The following PDZRN4 variants were observed in gnomAD, a reference collection of about 807,000 sequenced individuals.
PDZRN4 encodes the protein PDZ domain containing ring finger 4.
Under a neutral mutation model 99.0 loss-of-function variants are expected in PDZRN4, and 70 were observed. The ratio of observed to expected loss-of-function variants is 0.71; its 90% CI spans 0.58 to 0.86. The LOEUF (loss-of-function observed/expected upper bound fraction) is 0.86, where lower values mean the gene tolerates loss of function less well. Ranked by LOEUF, PDZRN4 falls within the 40% of genes least tolerant of loss-of-function variation. The pLI is 0.00. For synonymous variants in PDZRN4, 551 were observed against 501.6 expected, an observed-to-expected ratio of 1.10 and a Z score of -1.32; for missense variants, 1,474 against 1,331.2, an observed-to-expected ratio of 1.11 and a Z score of -1.67.
chr12:41,332,084 G>A lies in PDZRN4; in HGVS notation c.843+137896G>A, dbSNP rs1182808779. On this transcript the variant is annotated intron_variant, in intron 3 of 9. Transcript: ENST00000402685. ...GCTTAATTGAGAAAGAGAATTTCTG[G>A]TTAGTATTGAGACCCCATTTGACAT... Among the ~76,000 whole-genome samples, 3 of 152,094 alleles carry A rather than the reference G, an allele frequency of 2.0e-5. No homozygotes were observed. The East Asian group carries it at 5.8e-4, about 29-fold the overall frequency.
chr12:41,256,031 A>G (rs1206829715), intron 3 of PDZRN4, among the ~76,000 whole-genome samples: 2 of 152,196 alleles, frequency 1.3e-5, no homozygotes, highest in African/African-American at 4.8e-5. Flanking sequence ...ACATTAAATC[A>G]TATCGGCTCT....
At chr12:41,565,515 G>A (rs926146859) in intron 8 of PDZRN4, among the ~76,000 whole-genome samples, 1 of 117,256 alleles carries the variant, frequency 8.5e-6, no homozygotes, top group African/African-American at 4.9e-5. Context: ...TCTCATTGTT[G>A]TATGTTTTTT....
intron 3 of PDZRN4, among the ~76,000 whole-genome samples, chr12:41,393,926 A>G (rs765067896): frequency 6.6e-6 from 1 of 152,234 alleles, no homozygotes; most frequent in African/African-American, 2.4e-5. Flanking sequence ...TGCAATGACA[A>G]TTATAGAGTA....
intron 3 of PDZRN4, among the ~76,000 whole-genome samples, chr12:41,404,113 A>G (rs943570917): frequency 2.0e-5 from 3 of 152,142 alleles, no homozygotes; most frequent in Admixed American, 1.3e-4. Flanking sequence ...AATGTAAATG[A>G]TATATACATA....
At chr12:41,284,772 TAATA>T (rs1031477063) in intron 3 of PDZRN4, among the ~76,000 whole-genome samples, 4 of 152,154 alleles carry the variant, frequency 2.6e-5, no homozygotes, top group Non-Finnish European at 2.9e-5. Context: ...ATTCCATGTT[TAATA>T]AATAGTGTTG....
chr12:41,509,570 A>T, intron 4 of PDZRN4: 1 of 288,354 alleles, frequency 3.5e-6, no homozygotes, highest in African/African-American at 2.2e-5. Flanking sequence ...TTTCCACAGA[A>T]TACAACTCTG....
At chr12:41,272,040 T>C (rs529079688) in intron 3 of PDZRN4, among the ~76,000 whole-genome samples, 125 of 144,368 alleles carry the variant, frequency 8.7e-4, no homozygotes, top group Non-Finnish European at 1.6e-3. Flanking sequence ...AAGCAATTCC[T>C]TTCTCTACCA....
intron 3 of PDZRN4, among the ~76,000 whole-genome samples, chr12:41,303,027 G>T (rs929031749): frequency 2.0e-5 from 3 of 151,826 alleles, no homozygotes; most frequent in Non-Finnish European, 2.9e-5. Context: ...AGCTACAAGT[G>T]TTTAGTCCAT....
intron 5 of PDZRN4, among the ~76,000 whole-genome samples, chr12:41,535,595 T>C (rs1270365044): frequency 1.3e-5 from 2 of 152,150 alleles, no homozygotes; most frequent in Non-Finnish European, 2.9e-5. Context: ...AAATTTAATC[T>C]CCCATACTGC....
chr12:41,248,156 T>C (rs575105248), intron 3 of PDZRN4, among the ~76,000 whole-genome samples: 1 of 152,328 alleles, frequency 6.6e-6, no homozygotes, highest in African/African-American at 2.4e-5. Context: ...ATTTGCCTAT[T>C]TGTTTTGATT....
intron 3 of PDZRN4, among the ~76,000 whole-genome samples, chr12:41,423,960 G>A (rs1565579244): frequency 6.6e-6 from 1 of 152,098 alleles, no homozygotes; most frequent in Non-Finnish European, 1.5e-5. Context: ...TCACGTTGTA[G>A]GGTTGGAATT....
intron 3 of PDZRN4, among the ~76,000 whole-genome samples, chr12:41,282,689 A>G (rs1340050256): frequency 2.0e-5 from 3 of 152,224 alleles, no homozygotes; most frequent in African/African-American, 7.2e-5. Flanking sequence ...ACCACGGTGA[A>G]ATCAAACTAG....
chr12:41,430,195 C>G (rs987936587), intron 3 of PDZRN4, among the ~76,000 whole-genome samples: 3 of 152,182 alleles, frequency 2.0e-5, no homozygotes, highest in Non-Finnish European at 4.4e-5. Flanking sequence ...ATAGGCCAGG[C>G]ACGGTGGCTC....
intron 5 of PDZRN4, among the ~76,000 whole-genome samples, chr12:41,517,260 T>C (rs539879310): frequency 6.6e-5 from 10 of 152,208 alleles, no homozygotes; most frequent in African/African-American, 2.4e-4. Flanking sequence ...TTACCAGGGA[T>C]CTAGATATAA....
intron 3 of PDZRN4, among the ~76,000 whole-genome samples, chr12:41,429,165 C>T (rs1204245057): frequency 1.8e-4 from 28 of 152,150 alleles, no homozygotes; most frequent in Non-Finnish European, 1.0e-4. Context: ...TTAGAGTCAT[C>T]GGTAAATCTC....
At chr12:41,359,939 T>C (rs891838225) in intron 3 of PDZRN4, among the ~76,000 whole-genome samples, 1 of 152,028 alleles carries the variant, frequency 6.6e-6, no homozygotes, top group Admixed American at 6.6e-5. Flanking sequence ...ATCTTGCTAT[T>C]CATAGTAATA....
chr12:41,284,209 C>A (rs368332790), intron 3 of PDZRN4, among the ~76,000 whole-genome samples: 3 of 152,154 alleles, frequency 2.0e-5, no homozygotes, highest in African/African-American at 7.2e-5. Context: ...CATTCCTATA[C>A]ACCAATAACA....
At chr12:41,459,246 T>G (rs1952847947) in intron 3 of PDZRN4, among the ~76,000 whole-genome samples, 1 of 152,230 alleles carries the variant, frequency 6.6e-6, no homozygotes, top group Non-Finnish European at 1.5e-5. Flanking sequence ...AATCTGACCT[T>G]TTATACCAAC....
intron 3 of PDZRN4, among the ~76,000 whole-genome samples, chr12:41,321,911 G>C (rs887347001): frequency 6.6e-6 from 1 of 151,986 alleles, no homozygotes; most frequent in African/African-American, 2.4e-5. Flanking sequence ...CATTTAGGTG[G>C]ATATGTTTGT....
Sources: gnomAD v4.1 joint callset for allele counts (sites outside exome capture counted in the v4.1 genomes callset) on GRCh38, gnomAD v4.1.1 for gene constraint, MANE v1.5 for transcripts, NCBI Gene and HGNC (gene_info 2026-07-23, HGNC 2026-07-21) for gene names.